PGCKA1: variants seen among roughly 807,000 people sequenced by gnomAD.
PGCKA1 encodes PDCD10 and GCKIII kinases associated 1.
the PGCKA1 span, among the ~76,000 whole-genome samples, chr4:37,534,659 G>A: frequency 6.6e-6 from 1 of 152,186 alleles, no homozygotes; most frequent in Non-Finnish European, 1.5e-5. Context: ...GGTGTCTGGC[G>A]AGGGCTTGCT....
chr4:37,550,857 C>T, the PGCKA1 span, among the ~76,000 whole-genome samples: 1 of 152,092 alleles, frequency 6.6e-6, no homozygotes, highest in Admixed American at 6.5e-5. Flanking sequence ...AGACCCAGTT[C>T]CTGATGAATT....
chr4:37,527,033 G>A, the PGCKA1 span, among the ~76,000 whole-genome samples: 76 of 152,142 alleles, frequency 5.0e-4, no homozygotes, highest in Admixed American at 1.6e-3. Context: ...AATCCTGGCC[G>A]TGCGTAGGCC....
the PGCKA1 span, among the ~76,000 whole-genome samples, chr4:37,501,768 T>C: frequency 2.0e-5 from 3 of 152,204 alleles, no homozygotes; most frequent in African/African-American, 4.8e-5. Flanking sequence ...ATTTCAGCCA[T>C]CTCAGCCCAG....
At chr4:37,500,273 C>G in the PGCKA1 span, among the ~76,000 whole-genome samples, 1 of 152,210 alleles carries the variant, frequency 6.6e-6, no homozygotes, top group Non-Finnish European at 1.5e-5. Context: ...AAATTTCCCT[C>G]TTAACACTGC....
At chr4:37,592,304 C>T in the PGCKA1 span, among the ~76,000 whole-genome samples, 1 of 148,132 alleles carries the variant, frequency 6.8e-6, no homozygotes, top group Non-Finnish European at 1.5e-5. Flanking sequence ...ATTGCCAGGG[C>T]CAGGAATTCG....
chr4:37,562,714 A>G, the PGCKA1 span, among the ~76,000 whole-genome samples: 1 of 152,316 alleles, frequency 6.6e-6, no homozygotes, highest in Admixed American at 6.5e-5. Flanking sequence ...ATTATATGAC[A>G]TATTTGAATC....
the PGCKA1 span, among the ~76,000 whole-genome samples, chr4:37,569,973 A>G: frequency 0.016 from 2,035 of 130,602 alleles, 124 homozygotes; most frequent in East Asian, 0.15. Flanking sequence ...AAGTCTGCAT[A>G]TAATCCTTTT....
chr4:37,572,068 T>TTTTTTTC, the PGCKA1 span, among the ~76,000 whole-genome samples: 1 of 109,796 alleles, frequency 9.1e-6, no homozygotes, highest in African/African-American at 3.4e-5. Flanking sequence ...TTTTTCTTTT[T>TTTTTTTC]TTTTTTTTTT....
the PGCKA1 span, among the ~76,000 whole-genome samples, chr4:37,467,939 A>G: frequency 2.6e-5 from 4 of 152,224 alleles, no homozygotes; most frequent in Admixed American, 2.6e-4. Context: ...TTGTACTTAC[A>G]CAGCACTCTC....
At chr4:37,526,586 T>C in the PGCKA1 span, among the ~76,000 whole-genome samples, 1 of 152,222 alleles carries the variant, frequency 6.6e-6, no homozygotes, top group African/African-American at 2.4e-5. Context: ...GATGTTTTGG[T>C]CAGCTATGGA....
chr4:37,562,601 T>A, the PGCKA1 span, among the ~76,000 whole-genome samples: 1 of 152,260 alleles, frequency 6.6e-6, no homozygotes, highest in East Asian at 1.9e-4. Flanking sequence ...TCTCCTGGAA[T>A]GTGCTCTGGA....
the PGCKA1 span, chr4:37,591,551 G>A: frequency 0.58 from 88,980 of 152,238 alleles, 29,096 homozygotes; most frequent in Non-Finnish European, 0.74. Context: ...GTTCAACAGC[G>A]GGTTAAGCTC....
At chr4:37,523,323 G>A in the PGCKA1 span, among the ~76,000 whole-genome samples, 1 of 152,026 alleles carries the variant, frequency 6.6e-6, no homozygotes, top group African/African-American at 2.4e-5. Flanking sequence ...GCCCAGAGAT[G>A]CTCTCTGCAC....
chr4:37,537,716 A>G, the PGCKA1 span, among the ~76,000 whole-genome samples: 1 of 152,188 alleles, frequency 6.6e-6, no homozygotes. Context: ...CTAGCTCTGC[A>G]GTGATAGGCT....
the PGCKA1 span, among the ~76,000 whole-genome samples, chr4:37,455,433 G>A: frequency 6.6e-6 from 1 of 152,206 alleles, no homozygotes; most frequent in Admixed American, 6.5e-5. Flanking sequence ...GGGTCACTGA[G>A]CAGAAATGGA....
the PGCKA1 span, among the ~76,000 whole-genome samples, chr4:37,521,284 C>G: frequency 6.6e-6 from 1 of 152,168 alleles, no homozygotes; most frequent in African/African-American, 2.4e-5. Flanking sequence ...AGCCACAGTG[C>G]AGTAGAACAC....
At chr4:37,518,654 A>G in the PGCKA1 span, among the ~76,000 whole-genome samples, 23 of 152,192 alleles carry the variant, frequency 1.5e-4, no homozygotes, top group African/African-American at 5.3e-4. Flanking sequence ...TGAGGTCCTT[A>G]TATATTCTGA....
At chr4:37,537,854 C>A in the PGCKA1 span, among the ~76,000 whole-genome samples, 1 of 152,290 alleles carries the variant, frequency 6.6e-6, no homozygotes, top group South Asian at 2.1e-4. Flanking sequence ...GCTTGCTAAA[C>A]CAATTTCCAT....
At chr4:37,509,568 G>A in the PGCKA1 span, among the ~76,000 whole-genome samples, 10 of 151,822 alleles carry the variant, frequency 6.6e-5, no homozygotes, top group East Asian at 3.9e-4. Flanking sequence ...GGTGGCGGCC[G>A]GGCAGAGGCT....
Sources: allele counts gnomAD v4.1 joint callset (sites outside exome capture counted in the v4.1 genomes callset), GRCh38; gene constraint gnomAD v4.1.1; transcripts MANE v1.5; gene names NCBI Gene and HGNC (gene_info 2026-07-23, HGNC 2026-07-21).